Variants in RAPGEF2 observed in about 807,000 individuals in gnomAD.
The protein encoded by RAPGEF2 is Rap guanine nucleotide exchange factor 2.
Under a neutral mutation model 186.7 loss-of-function variants are expected in RAPGEF2, and 54 were observed. That is an observed-to-expected ratio of 0.29 (90% confidence interval 0.23 to 0.36). The LOEUF (loss-of-function observed/expected upper bound fraction) is 0.36, where lower values mean the gene tolerates loss of function less well. Ranked by LOEUF, RAPGEF2 falls within the 10% of genes least tolerant of loss-of-function variation. RAPGEF2 has a pLI of 1.00. For missense variants in RAPGEF2, 1,532 were observed against 2,045.0 expected (o/e 0.75, Z 4.84); for synonymous variants, 712 against 705.9 (o/e 1.01, Z -0.14).
At chr4:159,135,795 C>G (rs1375370902) in intron 1 of RAPGEF2, among the ~76,000 whole-genome samples, 1 of 152,108 alleles carries the variant, frequency 6.6e-6, no homozygotes, top group Non-Finnish European at 1.5e-5. Context: ...GATGGGGTTT[C>G]ACCATGTTGG....
intron 8 of RAPGEF2, among the ~76,000 whole-genome samples, chr4:159,311,321 A>G (rs550401055): frequency 2.6e-5 from 4 of 152,280 alleles, no homozygotes; most frequent in African/African-American, 4.8e-5. Context: ...CTAAGATACT[A>G]TTTTACAAAT....
At chr4:159,205,505 A>G (rs1436190970) in intron 3 of RAPGEF2, among the ~76,000 whole-genome samples, 2 of 152,154 alleles carry the variant, frequency 1.3e-5, no homozygotes, top group Non-Finnish European at 2.9e-5. Flanking sequence ...TAGCCTAATG[A>G]TATGGTTAGG....
In RAPGEF2 at chr4:159,104,526, G is replaced by C. The variant is rs1299835841; in HGVS notation, c.69+295G>C. Among the ~76,000 whole-genome samples the C allele has an allele frequency of 1.6e-4, 18 of 111,984 alleles. 1 individual carries two copies. The highest frequency in any genetic ancestry group is 6.8e-4 in the African/African-American group (18 of 26,596). 73.5% of individuals were successfully genotyped at this position (111,984 alleles called of 152,430 possible). On this transcript the variant is annotated intron_variant, in intron 1 of 29. Transcript: ENST00000691494. Reference sequence around the variant, plus strand: ...AGAGAGAGAGAGAGAGAGAGAGAGAGGGAGAGACAGAGAGAGAGAGAGAGA... The same window carrying C: ...AGAGAGAGAGAGAGAGAGAGAGAGACGGAGAGACAGAGAGAGAGAGAGAGA...
chr4:159,322,493 T>G lies in RAPGEF2; in HGVS notation c.990+10T>G, dbSNP rs10015128. The G allele has an allele frequency of 1.8e-4, 288 of 1,609,976 alleles. No individual in the cohort carries two copies. The African/African-American group carries it at 3.4e-3, about 19-fold the overall frequency. On this transcript the variant is annotated intron_variant, in intron 10 of 29. Transcript: ENST00000691494. ...AAATGATGGTGAAGAGGTGAGTAAC[T>G]ATTCCTACCACTTAAAAAGTTTCTT...
intron 4 of RAPGEF2, among the ~76,000 whole-genome samples, chr4:159,224,671 G>A (rs1268106010): frequency 6.6e-6 from 1 of 152,188 alleles, no homozygotes; most frequent in Non-Finnish European, 1.5e-5. Context: ...CAGAGAGGCT[G>A]TAGGTGAATG....
intron 7 of RAPGEF2, among the ~76,000 whole-genome samples, chr4:159,265,206 C>T (rs908416551): frequency 7.2e-5 from 11 of 152,112 alleles, no homozygotes; most frequent in African/African-American, 2.7e-4. Flanking sequence ...GTGCGGTGAA[C>T]ACAGGAGTAC....
At chr4:159,221,567 A>G (rs1031195929) in intron 4 of RAPGEF2, among the ~76,000 whole-genome samples, 3 of 152,162 alleles carry the variant, frequency 2.0e-5, no homozygotes, top group Non-Finnish European at 4.4e-5. Flanking sequence ...TAATAATATA[A>G]AAACTATCCT....
chr4:159,174,521 T>C (rs1746248522), intron 1 of RAPGEF2, among the ~76,000 whole-genome samples: 1 of 152,216 alleles, frequency 6.6e-6, no homozygotes, highest in Non-Finnish European at 1.5e-5. Context: ...TTGTAATTTT[T>C]ATGGCTAATT....
At chr4:159,157,117 A>G (rs543699801) in intron 1 of RAPGEF2, among the ~76,000 whole-genome samples, 14 of 152,250 alleles carry the variant, frequency 9.2e-5, no homozygotes, top group African/African-American at 3.4e-4. Context: ...TTGTCTGTCC[A>G]TTCAAGCTGA....
intron 28 of RAPGEF2, among the ~76,000 whole-genome samples, chr4:159,355,170 C>T (rs1199625688): frequency 1.3e-5 from 2 of 152,002 alleles, no homozygotes; most frequent in South Asian, 2.1e-4. Context: ...TTTAAAAGTT[C>T]AAGAAAATGA....
Position 159,355,879 on chromosome 4 carries a change from C to CGCG in RAPGEF2, c.4678_4679insGCG (p.Pro1560delinsArgAla). ...ACGAAAGGAGGGCAGGTATCGAGAG[C>CGCG]CCCCGCCCACCCCTCCCGGCTACAT... On this transcript the variant is annotated protein_altering_variant, in exon 29 of 30. Transcript: ENST00000691494. The CGCG allele has an allele frequency of 6.6e-7, 1 of 1,525,656 alleles. No homozygotes were observed. Among genetic ancestry groups the CGCG allele is most frequent in the Non-Finnish European group, 8.9e-7 (1 of 1,125,678 alleles). The allele number at this position is 1,525,656 out of a possible 1,614,324, so 94.5% of individuals were successfully genotyped here. A position where few individuals can be genotyped will look rare whatever the true frequency, so the allele number is the denominator to read the frequency against.
rs553387578 is a variant in RAPGEF2, at chr4:159,250,909, C to T, written c.543+7118C>T. On this transcript the variant is annotated intron_variant, in intron 7 of 29. Coordinates refer to ENST00000691494, the MANE Select transcript of RAPGEF2 (RefSeq NM_001394067.2). ...GCCGGAGCCGGCTCCCTCTGCTTGC[C>T]GGGAGGTGTGGAGGGAGATGCGCAG... Among the ~76,000 whole-genome samples the T allele has an allele frequency of 4.3e-3, 652 of 152,254 alleles. 9 individuals are homozygous for T. Among genetic ancestry groups the T allele is most frequent in the African/African-American group, 0.014 (601 of 41,552 alleles).
chr4:159,138,401 A>G (rs1243774382), intron 1 of RAPGEF2, among the ~76,000 whole-genome samples: 1 of 152,206 alleles, frequency 6.6e-6, no homozygotes, highest in East Asian at 1.9e-4. Context: ...TGGTTTGGTA[A>G]TAGTTTTCAC....
intron 1 of RAPGEF2, among the ~76,000 whole-genome samples, chr4:159,169,865 G>A (rs1579360755): frequency 6.6e-6 from 1 of 152,182 alleles, no homozygotes; most frequent in East Asian, 1.9e-4. Context: ...GTGAATAATG[G>A]TGCAGTGAAC....
At chr4:159,305,691 T>C (rs564277701) in intron 8 of RAPGEF2, among the ~76,000 whole-genome samples, 84 of 152,256 alleles carry the variant, frequency 5.5e-4, no homozygotes, top group Non-Finnish European at 1.0e-3. Context: ...TTAAGTCCCA[T>C]TTGTCTGTTT....
At chr4:159,123,153 A>G (rs2111102292) in intron 1 of RAPGEF2, among the ~76,000 whole-genome samples, 1 of 152,302 alleles carries the variant, frequency 6.6e-6, no homozygotes, top group South Asian at 2.1e-4. Flanking sequence ...GGCTATTAGT[A>G]GCTAAGTTTT....
chr4:159,140,662 G>GT (rs1742217655), intron 1 of RAPGEF2, among the ~76,000 whole-genome samples: 1 of 152,076 alleles, frequency 6.6e-6, no homozygotes, highest in African/African-American at 2.4e-5. Context: ...CAACTCTCTA[G>GT]TAGACAAAGA....
chr4:159,228,198 G>A (rs1164201447), intron 4 of RAPGEF2: 1 of 152,324 alleles, frequency 6.6e-6, no homozygotes. Flanking sequence ...CCGTCAGATG[G>A]AATGTTGGCC....
intron 25 of RAPGEF2, among the ~76,000 whole-genome samples, chr4:159,349,733 C>A (rs1730902648): frequency 6.6e-6 from 1 of 152,188 alleles, no homozygotes. Context: ...AAACAGTTTC[C>A]AACTCAAATT....
Sources: gnomAD v4.1 joint callset for allele counts (sites outside exome capture counted in the v4.1 genomes callset) on GRCh38, gnomAD v4.1.1 for gene constraint, MANE v1.5 for transcripts, NCBI Gene and HGNC (gene_info 2026-07-23, HGNC 2026-07-21) for gene names.